The following RPS6KA5 variants were observed in gnomAD, a reference collection of about 807,000 sequenced individuals.
RPS6KA5 encodes the protein ribosomal protein S6 kinase A5.
A neutral mutation model predicts 85.5 loss-of-function variants in RPS6KA5; 27 were observed. The ratio of observed to expected loss-of-function variants is 0.32; its 90% CI spans 0.23 to 0.44. The LOEUF (loss-of-function observed/expected upper bound fraction) is 0.44, where lower values mean the gene tolerates loss of function less well. Among genes scored for constraint, RPS6KA5 ranks in the 20% least tolerant of loss-of-function variants. The pLI is 1.00. For synonymous variants in RPS6KA5, 334 were observed against 348.2 expected, an observed-to-expected ratio of 0.96 and a Z score of 0.46; for missense variants, 811 against 980.9, an observed-to-expected ratio of 0.83 and a Z score of 2.31.
intron 3 of RPS6KA5, among the ~76,000 whole-genome samples, chr14:90,958,370 T>C (rs2038632083): frequency 6.6e-6 from 1 of 152,204 alleles, no homozygotes; most frequent in South Asian, 2.1e-4. Flanking sequence ...TAATCAGTTT[T>C]CTTTCATTTC....
intron 1 of RPS6KA5, among the ~76,000 whole-genome samples, chr14:91,022,856 G>T (rs2041838688): frequency 6.6e-6 from 1 of 152,126 alleles, no homozygotes; most frequent in Non-Finnish European, 1.5e-5. Context: ...GGAGGCCGAG[G>T]CAGGCAGATC....
chr14:91,009,495 C>T (rs1434077603), intron 1 of RPS6KA5, among the ~76,000 whole-genome samples: 1 of 152,212 alleles, frequency 6.6e-6, no homozygotes, highest in African/African-American at 2.4e-5. Context: ...TGCAACCCTC[C>T]CTCCTTGGCT....
intron 16 of RPS6KA5, 123 bp from the exon 17 acceptor site, chr14:90,872,445 A>G: frequency 8.0e-7 from 1 of 1,248,850 alleles, no homozygotes; most frequent in Non-Finnish European, 1.1e-6. Flanking sequence ...GTTTTAAGGG[A>G]ACAAAGCTCT....
Position 90,866,272 on chromosome 14 carries a change from C to T in RPS6KA5, c.*5802G>A, listed in dbSNP as rs79042896. On this transcript the variant is annotated 3_prime_UTR_variant, in exon 17 of 17. Coordinates refer to ENST00000614987, the MANE Select transcript of RPS6KA5 (RefSeq NM_004755.4). Reference sequence around the variant, plus strand: ...TTGAAGCCAGGAGTTTGAGACTAGCCTGGGCACCATACTGATACCTTGTAG... The same window carrying T: ...TTGAAGCCAGGAGTTTGAGACTAGCTTGGGCACCATACTGATACCTTGTAG... The T allele has an allele frequency of 0.017, 2,566 of 152,278 alleles. 31 individuals carry two copies. The highest frequency in any genetic ancestry group is 0.021 in the Non-Finnish European group (1,447 of 68,096). The allele number at this position is 152,278 out of a possible 1,614,324, so 9.4% of individuals were successfully genotyped here.
At chr14:91,044,357 A>AAG (rs2042743942) in intron 1 of RPS6KA5, among the ~76,000 whole-genome samples, 1 of 18,448 alleles carries the variant, frequency 5.4e-5, no homozygotes, top group African/African-American at 1.6e-4. Context: ...GAAAGAAAGA[A>AAG]AGAAAGAGAA....
intron 1 of RPS6KA5, among the ~76,000 whole-genome samples, chr14:91,037,524 C>T (rs576858318): frequency 6.6e-6 from 1 of 152,204 alleles, no homozygotes. Flanking sequence ...TTCTTAATTA[C>T]CTTGGTGAAT....
In RPS6KA5 at chr14:90,899,330, T is replaced by C. The variant is rs1379356994; in HGVS notation, c.1472A>G (p.Gln491Arg). The change falls in exon 12 of 17, where the codon CAG becomes CGG. Residue 491 changes from glutamine (Q) to arginine (R), a missense_variant and splice_region_variant. Gln to Arg is a conservative substitution (Grantham distance 43, BLOSUM62 1). Coordinates refer to ENST00000614987, the MANE Select transcript of RPS6KA5 (RefSeq NM_004755.4). Reference sequence around the variant, plus strand: ...AAAAAAAAAAAAAAAGTAGGATACCTGATCATGAAAAACTTCATGCAACTT... The same window carrying C: ...AAAAAAAAAAAAAAAGTAGGATACCCGATCATGAAAAACTTCATGCAACTT... ...IVKLHEVFHD[Q>R]LHTFLVMELL... is the part of the protein sequence containing the mutation. 6.4e-7 allele frequency: 1 copy of C among 1,561,138 alleles called. No homozygotes were observed.
chr14:90,924,019 C>T (rs1055565814), intron 5 of RPS6KA5, among the ~76,000 whole-genome samples: 1 of 152,012 alleles, frequency 6.6e-6, no homozygotes, highest in Non-Finnish European at 1.5e-5. Flanking sequence ...AATTTTTGGC[C>T]TCTCTTATAG....
intron 7 of RPS6KA5, among the ~76,000 whole-genome samples, chr14:90,914,676 A>C (rs1306263576): frequency 6.6e-6 from 1 of 152,182 alleles, no homozygotes; most frequent in Non-Finnish European, 1.5e-5. Context: ...GCCTCAGAGC[A>C]ATTAATAACA....
Position 90,983,843 on chromosome 14 carries a change from CTTTTTT to C in RPS6KA5, c.176-5325_176-5320del, listed in dbSNP as rs59531773. 2.7e-3 allele frequency among the ~76,000 whole-genome samples: 340 copies of C among 124,120 alleles called. 2 individuals are homozygous for C. The highest frequency in any genetic ancestry group is 0.01 in the African/African-American group (309 of 30,794). 81.4% of individuals were successfully genotyped at this position (124,120 alleles called of 152,430 possible). A position where few individuals can be genotyped will look rare whatever the true frequency, so the allele number is the denominator to read the frequency against. On this transcript the variant is annotated intron_variant, in intron 2 of 16. Transcript: ENST00000614987. ...TCTCTCTCTCTCTCTCTCTCTCTTT[CTTTTTT>C]TCTTTCTTTCTTTCTGACCAAGTCT... is the stretch of plus-strand genomic sequence containing the variant.
intron 1 of RPS6KA5, among the ~76,000 whole-genome samples, chr14:91,046,729 T>C (rs2042890795): frequency 6.6e-6 from 1 of 152,204 alleles, no homozygotes; most frequent in Non-Finnish European, 1.5e-5. Flanking sequence ...CTTTTACCTC[T>C]AGCATTCTTT....
chr14:90,927,923 C>CTTTCT (rs10654326), intron 5 of RPS6KA5, among the ~76,000 whole-genome samples: 103,687 of 135,250 alleles, frequency 0.77, 40,057 homozygotes, highest in East Asian at 0.95. Flanking sequence ...TTTTCTCTTT[C>CTTTCT]TTTCTTTTCT....
At chr14:90,965,411 T>G (rs2140434779) in intron 3 of RPS6KA5, among the ~76,000 whole-genome samples, 1 of 152,072 alleles carries the variant, frequency 6.6e-6, no homozygotes, top group East Asian at 1.9e-4. Context: ...ACCTTAAATT[T>G]TTGCCAATCT....
intron 1 of RPS6KA5, among the ~76,000 whole-genome samples, chr14:91,015,141 T>C (rs778570860): frequency 1.3e-5 from 2 of 152,238 alleles, no homozygotes; most frequent in Non-Finnish European, 2.9e-5. Flanking sequence ...CAGAGGTTTT[T>C]AAGATTTACT....
At chr14:90,968,804 T>C (rs1250912382) in intron 3 of RPS6KA5, among the ~76,000 whole-genome samples, 2 of 152,220 alleles carry the variant, frequency 1.3e-5, no homozygotes, top group Non-Finnish European at 2.9e-5. Context: ...ACAACTGATA[T>C]ATTAGCAACT....
rs542526449 is a variant in RPS6KA5, at chr14:90,880,833, T to A, written c.1837-5473A>T. Among the ~76,000 whole-genome samples the A allele has an allele frequency of 5.1e-3, 751 of 146,602 alleles. 2 individuals carry two copies. Among genetic ancestry groups the A allele is most frequent in the South Asian group, 0.012 (57 of 4,646 alleles). ...TGACCCTCTTTGTCTTTTGTAAACTTTTTTTTTTTTTTTTTTGTGAGACAA... is the reference window on the plus strand; with the variant it reads ...TGACCCTCTTTGTCTTTTGTAAACTATTTTTTTTTTTTTTTTGTGAGACAA... On this transcript the variant is annotated intron_variant, in intron 14 of 16. Coordinates refer to ENST00000614987, the MANE Select transcript of RPS6KA5 (RefSeq NM_004755.4).
chr14:90,906,821 C>G (rs965242289), intron 7 of RPS6KA5, among the ~76,000 whole-genome samples: 2 of 151,972 alleles, frequency 1.3e-5, no homozygotes, highest in Admixed American at 1.3e-4. Flanking sequence ...GGGTCAGACC[C>G]ACTTGGAGAT....
At chr14:90,917,014 T>A (rs376704113) in intron 7 of RPS6KA5, among the ~76,000 whole-genome samples, 1 of 152,116 alleles carries the variant, frequency 6.6e-6, no homozygotes, top group East Asian at 1.9e-4. Flanking sequence ...ATATGTGGAA[T>A]CAGAAAGAGG....
Position 90,900,735 on chromosome 14 carries a change from C to A in RPS6KA5, c.1121G>T (p.Gly374Val). The change falls in exon 10 of 17, where the codon GGC becomes GTC. Residue 374 changes from glycine to valine, a missense_variant and splice_region_variant. Transcript: ENST00000614987. Reference protein sequence around the residue: ...LPQSSEKLFQGYSFVAPSILF... With the variant: ...LPQSSEKLFQVYSFVAPSILF... Reference sequence around the variant, plus strand: ...GATGGAAGGAGCAACAAAGGAATAGCCCTAAAAACAAGACAAAGAAAGATA... The same window carrying A: ...GATGGAAGGAGCAACAAAGGAATAGACCTAAAAACAAGACAAAGAAAGATA... 1 of 1,608,446 alleles carries A rather than the reference C, an allele frequency of 6.2e-7. No individual in the cohort carries two copies. The highest frequency in any genetic ancestry group is 8.5e-7 in the Non-Finnish European group (1 of 1,177,944).
Sources: gnomAD v4.1 joint callset for allele counts (sites outside exome capture counted in the v4.1 genomes callset) on GRCh38, gnomAD v4.1.1 for gene constraint, MANE v1.5 for transcripts, NCBI Gene and HGNC (gene_info 2026-07-23, HGNC 2026-07-21) for gene names.